SH3BP5: variants seen among roughly 807,000 people sequenced by gnomAD.
SH3BP5 encodes SH3 domain-binding protein 5.
In SH3BP5, 22 loss-of-function variants were observed where a neutral mutation model predicts 43.3. That is an observed-to-expected ratio of 0.51 (90% CI 0.36 to 0.73). The LOEUF (loss-of-function observed/expected upper bound fraction) is 0.73. SH3BP5 is among the 30% of genes least tolerant of loss of function. The pLI is 0.00. For missense variants in SH3BP5, 529 were observed against 586.9 expected, an observed-to-expected ratio of 0.90 and a Z score of 1.02; for synonymous variants, 255 against 225.8, an observed-to-expected ratio of 1.13 and a Z score of -1.16.
intron 3 of SH3BP5, among the ~76,000 whole-genome samples, chr3:15,288,190 G>A (rs1247539164): frequency 6.6e-6 from 1 of 152,124 alleles, no homozygotes; most frequent in Admixed American, 6.6e-5. Context: ...GATTGGATGA[G>A]GACCACCCAC....
intron 5 of SH3BP5, chr3:15,260,596 T>G (rs1038205208): frequency 6.6e-6 from 1 of 152,134 alleles, no homozygotes; most frequent in African/African-American, 2.4e-5. Context: ...GGTATGAAAA[T>G]CCTGAAATTT....
In SH3BP5 at chr3:15,291,079, T is replaced by C. The variant is rs114640508; in HGVS notation, c.330+13024A>G. Among the ~76,000 whole-genome samples, 699 of 152,116 alleles carry C rather than the reference T, an allele frequency of 4.6e-3. 5 individuals are homozygous for C. Among genetic ancestry groups the C allele is most frequent in the Non-Finnish European group, 7.0e-3 (477 of 67,972 alleles). On this transcript the variant is annotated intron_variant, in intron 3 of 8. Coordinates refer to ENST00000383791, the MANE Select transcript of SH3BP5 (RefSeq NM_004844.5). Reference sequence around the variant, plus strand: ...CTCAGCAAAACCAAGCTAGTGAGGGTTGGGGTGGACAGAAAAAAATACTAG... The same window carrying C: ...CTCAGCAAAACCAAGCTAGTGAGGGCTGGGGTGGACAGAAAAAAATACTAG...
chr3:15,272,157 G>A (rs1204270638), intron 3 of SH3BP5, among the ~76,000 whole-genome samples: 2 of 152,162 alleles, frequency 1.3e-5, no homozygotes, highest in Non-Finnish European at 2.9e-5. Flanking sequence ...GTTAAAGAAG[G>A]GGGAACAAAA....
chr3:15,326,693 T>C (rs1235407998), intron 2 of SH3BP5, among the ~76,000 whole-genome samples: 1 of 152,250 alleles, frequency 6.6e-6, no homozygotes, highest in African/African-American at 2.4e-5. Context: ...TCAGTGCCCA[T>C]CCTGTAAACA....
chr3:15,297,466 G>T (rs763054602), intron 3 of SH3BP5, among the ~76,000 whole-genome samples: 1 of 152,112 alleles, frequency 6.6e-6, no homozygotes, highest in Non-Finnish European at 1.5e-5. Flanking sequence ...ATACATCTAG[G>T]ATAATCTTAC....
At chr3:15,295,046 C>G (rs1399038693) in intron 3 of SH3BP5, among the ~76,000 whole-genome samples, 1 of 152,114 alleles carries the variant, frequency 6.6e-6, no homozygotes, top group Non-Finnish European at 1.5e-5. Flanking sequence ...TCCCCTCAAG[C>G]CTTTCCCCTC....
intron 2 of SH3BP5, among the ~76,000 whole-genome samples, chr3:15,320,482 T>C (rs749445492): frequency 6.6e-6 from 1 of 152,112 alleles, no homozygotes; most frequent in Middle Eastern, 3.2e-3. Flanking sequence ...TAGTCTTTAA[T>C]GTTGGAAACA....
Position 15,269,815 on chromosome 3 carries a change from G to A in SH3BP5, c.393C>T (p.Ala131=), listed in dbSNP as rs767355729. The change falls in exon 4 of 9, where the codon GCC becomes GCT. Residue 131 remains alanine, a synonymous_variant. Coordinates refer to ENST00000383791, the MANE Select transcript of SH3BP5 (RefSeq NM_004844.5). ...CGGCCAGGGAGATGGTCTCCTTGGC[G>A]GCACGGAGCACCTCTGTGGCCCTCT... The part of the protein sequence containing the change: ...DFQRATEVLR[A]AKETISLAEQ... 30 of 1,609,634 alleles carry A rather than the reference G, an allele frequency of 1.9e-5. 1 individual carries two copies. The highest frequency in any genetic ancestry group is 1.5e-4 in the African/African-American group (11 of 74,832).
chr3:15,269,086 G>A (rs1696723100), intron 4 of SH3BP5, among the ~76,000 whole-genome samples: 1 of 152,066 alleles, frequency 6.6e-6, no homozygotes, highest in African/African-American at 2.4e-5. Context: ...ACCATTTCTG[G>A]CTCTGAGTAA....
At chr3:15,298,571 C>T (rs1234906023) in intron 3 of SH3BP5, among the ~76,000 whole-genome samples, 1 of 152,126 alleles carries the variant, frequency 6.6e-6, no homozygotes, top group Admixed American at 6.5e-5. Flanking sequence ...CAAGGGTTGC[C>T]CAATGTCCAT....
In SH3BP5 at chr3:15,267,191, T is replaced by C. The variant is rs138697755; in HGVS notation, c.495+2522A>G. ...CGTGAGGCTCTAGGAGGGGTCAACATGAGCACCACTGGGGGAAACGCTAAG... is the reference window on the plus strand; with the variant it reads ...CGTGAGGCTCTAGGAGGGGTCAACACGAGCACCACTGGGGGAAACGCTAAG... On this transcript the variant is annotated intron_variant, in intron 4 of 8. Transcript: ENST00000383791. 2.8e-3 allele frequency among the ~76,000 whole-genome samples: 422 copies of C among 152,314 alleles called. 5 individuals carry two copies. The highest frequency in any genetic ancestry group is 9.6e-3 in the African/African-American group (401 of 41,560).
intron 2 of SH3BP5, among the ~76,000 whole-genome samples, chr3:15,330,160 G>C (rs1263745446): frequency 6.6e-6 from 1 of 152,210 alleles, no homozygotes; most frequent in Non-Finnish European, 1.5e-5. Flanking sequence ...AAGAGATTTT[G>C]TGAGCTCATT....
At chr3:15,296,747 G>C (rs989330126) in intron 3 of SH3BP5, among the ~76,000 whole-genome samples, 3 of 133,932 alleles carry the variant, frequency 2.2e-5, no homozygotes, top group East Asian at 2.2e-4. Context: ...AGACTAGAGC[G>C]CAGTGGTGCG....
chr3:15,258,218 T>G (rs983524683), intron 7 of SH3BP5: 1 of 152,140 alleles, frequency 6.6e-6, no homozygotes, highest in African/African-American at 2.4e-5. Flanking sequence ...AAAGACAGCG[T>G]TGGGTGGGTT....
At chr3:15,304,254 A>C in intron 2 of SH3BP5, 23 bp from the exon 3 acceptor site, 1 of 1,614,142 alleles carries the variant, frequency 6.2e-7, no homozygotes, top group Non-Finnish European at 8.5e-7. Context: ...GAAACCGAGG[A>C]AACACAGTTG....
At chr3:15,265,378 T>A (rs562334536) in intron 4 of SH3BP5, among the ~76,000 whole-genome samples, 1 of 152,074 alleles carries the variant, frequency 6.6e-6, no homozygotes, top group African/African-American at 2.4e-5. Flanking sequence ...TAGCTGGGTG[T>A]GGTGGTTGGT....
chr3:15,326,325 A>T (rs1167268481), intron 2 of SH3BP5, among the ~76,000 whole-genome samples: 1 of 152,176 alleles, frequency 6.6e-6, no homozygotes, highest in Non-Finnish European at 1.5e-5. Flanking sequence ...TGGGATGTTA[A>T]ATGTGGGCCT....
chr3:15,287,525 C>A (rs761631876), intron 3 of SH3BP5, among the ~76,000 whole-genome samples: 4 of 151,944 alleles, frequency 2.6e-5, no homozygotes, highest in Non-Finnish European at 4.4e-5. Context: ...CTGCACCGTC[C>A]CAAAATAGTA....
upstream of SH3BP5, among the ~76,000 whole-genome samples, chr3:15,336,829 A>G (rs777532125): frequency 1.1e-4 from 16 of 151,852 alleles, no homozygotes; most frequent in Non-Finnish European, 2.2e-4. Flanking sequence ...ACAGTCCCTC[A>G]CCCTCTTATG....
Sources: allele counts gnomAD v4.1 joint callset (sites outside exome capture counted in the v4.1 genomes callset), GRCh38; gene constraint gnomAD v4.1.1; transcripts MANE v1.5; gene names NCBI Gene and HGNC (gene_info 2026-07-23, HGNC 2026-07-21).